Variants in TASP1 observed in about 807,000 individuals in gnomAD.
TASP1 encodes the protein threonine aspartase 1.
TASP1 carries 16 observed loss-of-function variants against 56.6 expected under a neutral mutation model. The observed-to-expected ratio is 0.28, with a 90% CI of 0.19 to 0.43. The LOEUF (loss-of-function observed/expected upper bound fraction) is 0.43. TASP1 is among the 20% of genes least tolerant of loss of function. The pLI, the probability that TASP1 is intolerant of heterozygous loss-of-function variation, is 1.00. For missense variants in TASP1, 393 were observed against 511.6 expected (o/e 0.77, Z 2.24); for synonymous variants, 179 against 184.2 (o/e 0.97, Z 0.23).
intron 11 of TASP1, among the ~76,000 whole-genome samples, chr20:13,445,032 C>T (rs1454459109): frequency 1.3e-5 from 2 of 152,036 alleles, no homozygotes; most frequent in African/African-American, 2.4e-5. Flanking sequence ...TAAGTTTGGC[C>T]AATAACCATT....
intron 10 of TASP1, among the ~76,000 whole-genome samples, chr20:13,507,032 T>G (rs2044158992): frequency 1.3e-5 from 2 of 152,010 alleles, no homozygotes; most frequent in Admixed American, 6.6e-5. Flanking sequence ...TGTAAATACT[T>G]CATCAAAAAA....
chr20:13,629,308 G>A (rs2049003944), intron 2 of TASP1, among the ~76,000 whole-genome samples: 1 of 145,242 alleles, frequency 6.9e-6, no homozygotes, highest in Non-Finnish European at 1.5e-5. Context: ...AGGCTGCAGT[G>A]AGCCAAGATC....
chr20:13,511,723 A>T (rs1172987081), intron 10 of TASP1, among the ~76,000 whole-genome samples: 1 of 151,640 alleles, frequency 6.6e-6, no homozygotes, highest in Non-Finnish European at 1.5e-5. Flanking sequence ...GTCATTTAAC[A>T]TTAGGTATAT....
chr20:13,201,755 T>A, the TASP1 span, among the ~76,000 whole-genome samples: 1 of 138,346 alleles, frequency 7.2e-6, no homozygotes, highest in Non-Finnish European at 1.6e-5. Context: ...GATGGTAAAC[T>A]TTTTTTTTTT....
chr20:13,522,153 G>A (rs562175273), intron 10 of TASP1, among the ~76,000 whole-genome samples: 1 of 152,304 alleles, frequency 6.6e-6, no homozygotes, highest in South Asian at 2.1e-4. Context: ...CTGAGGGGAA[G>A]CTGGGAAGTA....
chr20:13,316,288 G>A, the TASP1 span, among the ~76,000 whole-genome samples: 1 of 151,928 alleles, frequency 6.6e-6, no homozygotes, highest in Non-Finnish European at 1.5e-5. Flanking sequence ...TAAGGAAATT[G>A]AATTGATAAT....
At chr20:13,632,418 T>C (rs2049131862) in intron 1 of TASP1, among the ~76,000 whole-genome samples, 1 of 148,860 alleles carries the variant, frequency 6.7e-6, no homozygotes, top group South Asian at 2.1e-4. Context: ...AATACAAACA[T>C]AATTATAACA....
chr20:13,136,625 C>T, the TASP1 span, among the ~76,000 whole-genome samples: 1 of 134,210 alleles, frequency 7.5e-6, no homozygotes, highest in African/African-American at 2.8e-5. Context: ...ATATAATATA[C>T]ATATAAAAAT....
chr20:13,405,995 A>ACGGTATT (rs1231739891), intron 13 of TASP1, among the ~76,000 whole-genome samples: 1 of 152,184 alleles, frequency 6.6e-6, no homozygotes. Context: ...GCAGAGCTGG[A>ACGGTATT]CGGTATTCCT....
At chr20:13,294,030 G>A in the TASP1 span, among the ~76,000 whole-genome samples, 1 of 152,082 alleles carries the variant, frequency 6.6e-6, no homozygotes, top group African/African-American at 2.4e-5. Context: ...AGTGTCGGGG[G>A]CAGTAGAGAA....
At chr20:13,206,314 G>GT in the TASP1 span, among the ~76,000 whole-genome samples, 3 of 152,142 alleles carry the variant, frequency 2.0e-5, no homozygotes, top group Non-Finnish European at 4.4e-5. Context: ...TCACAGTAGT[G>GT]TTTTTTCTAA....
the TASP1 span, among the ~76,000 whole-genome samples, chr20:13,353,509 A>AG: frequency 1.3e-5 from 2 of 152,250 alleles, no homozygotes; most frequent in Non-Finnish European, 2.9e-5. Context: ...TGTATGTATA[A>AG]GGAAAGCTAT....
At chr20:13,274,248 C>A in the TASP1 span, among the ~76,000 whole-genome samples, 1 of 152,160 alleles carries the variant, frequency 6.6e-6, no homozygotes. Context: ...CTCACCCCTT[C>A]CTCAGAGCAC....
At chr20:13,196,737 A>G in the TASP1 span, among the ~76,000 whole-genome samples, 1 of 152,144 alleles carries the variant, frequency 6.6e-6, no homozygotes, top group Non-Finnish European at 1.5e-5. Context: ...ATTTCTTTTT[A>G]CTTTTCTCAA....
At chr20:13,486,894 C>T (rs553345256) in intron 10 of TASP1, among the ~76,000 whole-genome samples, 13 of 152,182 alleles carry the variant, frequency 8.5e-5, no homozygotes, top group South Asian at 4.2e-4. Context: ...AATGATGAAA[C>T]GCTGAATTGT....
intron 11 of TASP1, among the ~76,000 whole-genome samples, chr20:13,438,850 T>A (rs534636861): frequency 6.6e-6 from 1 of 152,274 alleles, no homozygotes; most frequent in East Asian, 1.9e-4. Flanking sequence ...GCAAAGGATA[T>A]GAACAGACAC....
At chr20:13,482,265 T>C (rs1164989310) in intron 11 of TASP1, among the ~76,000 whole-genome samples, 4 of 152,204 alleles carry the variant, frequency 2.6e-5, no homozygotes, top group East Asian at 1.9e-4. Context: ...TTCTGTTCCA[T>C]TGGTCTATGT....
At chr20:13,307,978 T>C in the TASP1 span, among the ~76,000 whole-genome samples, 1 of 152,224 alleles carries the variant, frequency 6.6e-6, no homozygotes, top group Non-Finnish European at 1.5e-5. Flanking sequence ...ACAGCTTTAG[T>C]TGATACTGCC....
chr20:13,300,294 T>A, the TASP1 span: 1 of 152,158 alleles, frequency 6.6e-6, no homozygotes, highest in Non-Finnish European at 1.5e-5. Context: ...GAAGTAGCAC[T>A]TTTCCAAAGG....
Sources: gnomAD v4.1 joint callset for allele counts (sites outside exome capture counted in the v4.1 genomes callset) on GRCh38, gnomAD v4.1.1 for gene constraint, MANE v1.5 for transcripts, NCBI Gene and HGNC (gene_info 2026-07-23, HGNC 2026-07-21) for gene names.